Variants in HOXC5 observed in about 807,000 individuals in gnomAD.
HOXC5 encodes the protein homeobox protein Hox-C5.
In HOXC5, 19 loss-of-function variants were observed where a neutral mutation model predicts 20.1. The observed-to-expected ratio is 0.94, with a 90% CI of 0.66 to 1.38. The LOEUF (loss-of-function observed/expected upper bound fraction) is 1.38. Ranked by LOEUF, HOXC5 falls within the 40% of genes most tolerant of loss-of-function variation. The probability of loss-of-function intolerance (pLI) is 0.00; values close to 1 mark genes in which losing one functional copy is unlikely to be tolerated. For synonymous variants in HOXC5, 124 were observed against 117.0 expected (o/e 1.06, Z -0.39); for missense variants, 330 against 300.1 (o/e 1.10, Z -0.74).
At chr12:54,032,293 A>T (rs1238507042), upstream of HOXC5, among the ~76,000 whole-genome samples, 1 of 151,976 alleles carries the variant, frequency 6.6e-6, no homozygotes, top group Admixed American at 6.6e-5. Flanking sequence ...TGACCCCCCT[A>T]TCTTGTTCTG....
the HOXC5 span, among the ~76,000 whole-genome samples, chr12:54,024,059 G>A: frequency 6.6e-6 from 1 of 152,274 alleles, no homozygotes; most frequent in South Asian, 2.1e-4. Context: ...GACCAATCGG[G>A]CCAACTGAGC....
At position 54,034,825 on chromosome 12, in the gene HOXC5, G is replaced by A. The variant is rs1316279025; in HGVS notation, c.*333G>A. The A allele has an allele frequency of 3.1e-6, 1 of 318,528 alleles. No homozygotes were observed. Among genetic ancestry groups the A allele is most frequent in the East Asian group, 7.3e-5 (1 of 13,684 alleles). 19.7% of individuals were successfully genotyped at this position (318,528 alleles called of 1,614,324 possible). A position where few individuals can be genotyped will look rare whatever the true frequency, so the allele number is the denominator to read the frequency against. On this transcript the variant is annotated 3_prime_UTR_variant, in exon 2 of 2. Coordinates refer to ENST00000312492, the MANE Select transcript of HOXC5 (RefSeq NM_018953.4). ...GCCTGGGCCGTATCTCCGGCTCCCAGCCTCAGCGCGGCCCTCCCGAGTTAA... is the reference window on the plus strand; with the variant it reads ...GCCTGGGCCGTATCTCCGGCTCCCAACCTCAGCGCGGCCCTCCCGAGTTAA...
chr12:54,033,079 C>T lies in HOXC5; in HGVS notation c.-44C>T, dbSNP rs771473883. 5.9e-5 allele frequency: 90 copies of T among 1,525,204 alleles called. No homozygotes were observed. The highest frequency in any genetic ancestry group is 7.8e-5 in the Non-Finnish European group (87 of 1,111,682). The allele number at this position is 1,525,204 out of a possible 1,614,324, so 94.5% of individuals were successfully genotyped here. ...CAACTTCAAAGAGTCACAAATCACC[C>T]TTAATCAAAAAGGGTGCAGAAATTT... On this transcript the variant is annotated 5_prime_UTR_variant, in exon 1 of 2. Transcript: ENST00000312492.
the HOXC5 span, among the ~76,000 whole-genome samples, chr12:54,024,100 A>T: frequency 1.3e-5 from 2 of 152,208 alleles, no homozygotes; most frequent in Admixed American, 6.5e-5. Context: ...GCCTTAACCA[A>T]ATAGTGTGAT....
rs1445045051 is a variant in HOXC5, at chr12:54,033,294, C to G, written c.172C>G (p.Leu58Val). ...CCCACCGCCTGCGCCTTCCAACTCT[C>G]TCCACGGGGTAGACATGGCTGCCAA... is the stretch of plus-strand genomic sequence containing the variant. ...TFPPPAPSNS[L>V]HGVDMAANPR... Residue 58 changes from leucine to valine, a missense_variant, in exon 1 of 2, where the codon CTC (leucine) becomes GTC (valine). Physicochemically the swap from Leu to Val is conservative, Grantham distance 32 (BLOSUM62 1). Coordinates refer to ENST00000312492, the MANE Select transcript of HOXC5 (RefSeq NM_018953.4). The G allele has an allele frequency of 4.3e-6, 7 of 1,614,078 alleles. No homozygotes were observed. Among genetic ancestry groups the G allele is most frequent in the Admixed American group, 1.7e-5 (1 of 60,004 alleles).
At chr12:54,029,574 G>C, upstream of HOXC5, 1 of 1,467,832 alleles carries the variant, frequency 6.8e-7, no homozygotes, top group Non-Finnish European at 9.3e-7. Context: ...GGTTGGGAGG[G>C]TCAGGACTTT....
At chr12:54,032,286 C>T (rs921384714), upstream of HOXC5, among the ~76,000 whole-genome samples, 2 of 152,212 alleles carry the variant, frequency 1.3e-5, no homozygotes, top group Admixed American at 1.3e-4. Flanking sequence ...AGCTTCATGA[C>T]CCCCCTATCT....
chr12:54,028,389 G>A (rs1940823916), upstream of HOXC5: 4 of 973,056 alleles, frequency 4.1e-6, no homozygotes, highest in Admixed American at 1.1e-4. Context: ...TTGGCTGGGA[G>A]GGGGTCAGCT....
Position 54,033,445 on chromosome 12 carries a change from T to C in HOXC5, c.323T>C (p.Leu108Pro). The change falls in exon 1 of 2, where the codon CTG becomes CCG. Residue 108 changes from leucine (L) to proline (P), a missense_variant. By Grantham distance (98) the Leu-to-Pro change is moderately conservative. Transcript: ENST00000312492. Reference sequence around the variant, plus strand: ...AGTCAGAAGGCGGCTCGCCCGGCGCTGGAGGAGCGAGCTAAGAGCAGTGGG... The same window carrying C: ...AGTCAGAAGGCGGCTCGCCCGGCGCCGGAGGAGCGAGCTAAGAGCAGTGGG... Reference protein sequence around the residue: ...MYSQKAARPALEERAKSSGEI... With the variant: ...MYSQKAARPAPEERAKSSGEI... The C allele has an allele frequency of 6.2e-7, 1 of 1,600,502 alleles. No homozygotes were observed. Among genetic ancestry groups the C allele is most frequent in the Non-Finnish European group, 8.5e-7 (1 of 1,174,742 alleles).
chr12:54,017,710 C>T, the HOXC5 span, among the ~76,000 whole-genome samples: 5 of 152,132 alleles, frequency 3.3e-5, no homozygotes, highest in Non-Finnish European at 7.4e-5. Flanking sequence ...GGCGCCAGCT[C>T]TCTGCTGCCC....
Position 54,034,349 on chromosome 12 carries a change from T to A in HOXC5, c.526T>A (p.Phe176Ile), listed in dbSNP as rs765751574. 4 of 1,614,244 alleles carry A rather than the reference T, an allele frequency of 2.5e-6. No homozygotes were observed. ...QTLELEKEFH[F>I]NRYLTRRRRI... ...TCTGGAACTCGAGAAAGAATTCCAC[T>A]TTAACCGCTACCTCACTCGCCGCAG... Residue 176 changes from phenylalanine to isoleucine, a missense_variant, in exon 2 of 2, where the codon TTT becomes ATT. Transcript: ENST00000312492.
chr12:54,017,353 GAGAA>G, the HOXC5 span: 1 of 152,242 alleles, frequency 6.6e-6, no homozygotes, highest in African/African-American at 2.4e-5. Context: ...GAGGGAAGAC[GAGAA>G]AGAGAGTGGG....
Position 54,034,668 on chromosome 12 carries a change from G to T in HOXC5, c.*176G>T, listed in dbSNP as rs1941134222. On this transcript the variant is annotated 3_prime_UTR_variant, in exon 2 of 2. Transcript: ENST00000312492. ...CATTCCGCATCCCTACCGACCCAGG[G>T]TTCCCGCGGGGCTGTCGGCGCTGCC... The T allele has an allele frequency of 5.0e-6, 3 of 600,730 alleles. No homozygotes were observed. Among genetic ancestry groups the T allele is most frequent in the South Asian group, 4.0e-5 (2 of 49,794 alleles). 37.2% of individuals were successfully genotyped at this position (600,730 alleles called of 1,614,324 possible).
At chr12:54,019,159 T>C in the HOXC5 span, among the ~76,000 whole-genome samples, 2 of 146,136 alleles carry the variant, frequency 1.4e-5, no homozygotes, top group Non-Finnish European at 1.5e-5. Flanking sequence ...GAAATGGCAT[T>C]TTCTCTCCCC....
In HOXC5 at chr12:54,033,327, G is replaced by A. The variant is rs369572312; in HGVS notation, c.205G>A (p.Ala69Thr). The change falls in exon 1 of 2, where the codon GCT becomes ACT. Residue 69 changes from alanine (A) to threonine (T), a missense_variant. By Grantham distance (58) the Ala-to-Thr change is moderately conservative (BLOSUM62 0). Coordinates refer to ENST00000312492, the MANE Select transcript of HOXC5 (RefSeq NM_018953.4). The part of the protein sequence containing the change: ...HGVDMAANPR[A>T]HPDRPACSAA... ...GGTAGACATGGCTGCCAACCCCCGG[G>A]CTCACCCCGACCGCCCCGCCTGCAG... 1.2e-6 allele frequency: 2 copies of A among 1,613,472 alleles called. No individual in the cohort carries two copies. Among genetic ancestry groups the A allele is most frequent in the Non-Finnish European group, 1.7e-6 (2 of 1,179,838 alleles).
chr12:54,019,839 T>A, the HOXC5 span: 1 of 152,038 alleles, frequency 6.6e-6, no homozygotes, highest in Non-Finnish European at 1.5e-5. Flanking sequence ...TGATTTTCTG[T>A]CCCTTCCTGG....
At chr12:54,028,317 A>T, upstream of HOXC5, 1 of 531,598 alleles carries the variant, frequency 1.9e-6, no homozygotes, top group Non-Finnish European at 3.3e-6. Context: ...ACTTAGTCTC[A>T]ACTAGGGAAT....
chr12:54,034,123 G>C, intron 1 of HOXC5, 155 bp from the exon 2 acceptor site: 6 of 763,320 alleles, frequency 7.9e-6, no homozygotes, highest in Non-Finnish European at 1.4e-5. Flanking sequence ...CCCGGGGCTG[G>C]GCTGGGCTGG....
Position 54,034,759 on chromosome 12 carries a change from C to T in HOXC5, c.*267C>T, listed in dbSNP as rs1163578384. The stretch of plus-strand genomic sequence containing the variant: ...CAGGGCAAGCTCCGCAGGACTTCCC[C>T]GGAGGGCTGCGGCGTACAGGCTGGC... On this transcript the variant is annotated 3_prime_UTR_variant, in exon 2 of 2. Coordinates refer to ENST00000312492, the MANE Select transcript of HOXC5 (RefSeq NM_018953.4). 1 of 462,102 alleles carries T rather than the reference C, an allele frequency of 2.2e-6. No homozygotes were observed. The highest frequency in any genetic ancestry group is 4.0e-6 in the Non-Finnish European group (1 of 250,214). The allele number at this position is 462,102 out of a possible 1,614,324, so 28.6% of individuals were successfully genotyped here.
Sources: gnomAD v4.1 joint callset for allele counts (sites outside exome capture counted in the v4.1 genomes callset) on GRCh38, gnomAD v4.1.1 for gene constraint, MANE v1.5 for transcripts, NCBI Gene and HGNC (gene_info 2026-07-23, HGNC 2026-07-21) for gene names.